DOCK10: variants seen among roughly 807,000 people sequenced by gnomAD.
The protein encoded by DOCK10 is dedicator of cytokinesis 10.
DOCK10 carries 145 observed loss-of-function variants against 280.1 expected under a neutral mutation model. The ratio of observed to expected loss-of-function variants is 0.52; its 90% CI spans 0.45 to 0.59. The LOEUF (loss-of-function observed/expected upper bound fraction) is 0.59, where lower values mean the gene tolerates loss of function less well. Ranked by LOEUF, DOCK10 falls within the 20% of genes least tolerant of loss-of-function variation. The probability of loss-of-function intolerance (pLI) is 0.00; values close to 1 mark genes in which losing one functional copy is unlikely to be tolerated. For synonymous variants in DOCK10, 915 were observed against 942.2 expected, an observed-to-expected ratio of 0.97 and a Z score of 0.53; for missense variants, 2,368 against 2,651.7, an observed-to-expected ratio of 0.89 and a Z score of 2.35.
intron 4 of DOCK10, among the ~76,000 whole-genome samples, chr2:224,888,563 CTGTG>C (rs373161757): frequency 2.0e-4 from 30 of 148,016 alleles, no homozygotes; most frequent in African/African-American, 1.0e-4. Flanking sequence ...GTGTGTTTGT[CTGTG>C]TGTGTATGTA....
At chr2:224,781,904 T>A (rs759350435) in intron 50 of DOCK10, among the ~76,000 whole-genome samples, 4 of 152,156 alleles carry the variant, frequency 2.6e-5, no homozygotes, top group Admixed American at 6.5e-5. Context: ...GGATCATCAC[T>A]GTGTTGTCAA....
At chr2:224,885,203 T>C (rs368222240) in intron 7 of DOCK10, among the ~76,000 whole-genome samples, 1 of 152,334 alleles carries the variant, frequency 6.6e-6, no homozygotes, top group African/African-American at 2.4e-5. Flanking sequence ...TTTCACCATG[T>C]TGGCCTAGCT....
intron 1 of DOCK10, among the ~76,000 whole-genome samples, chr2:224,974,815 A>ATG (rs1705317492): frequency 1.5e-5 from 2 of 130,232 alleles, no homozygotes; most frequent in Non-Finnish European, 3.4e-5. Flanking sequence ...TATATTATAT[A>ATG]TATAATATAT....
chr2:224,785,260 T>G (rs999924974), intron 50 of DOCK10, among the ~76,000 whole-genome samples: 5 of 150,354 alleles, frequency 3.3e-5, no homozygotes, highest in Non-Finnish European at 2.9e-5. Flanking sequence ...GTTCAGATTC[T>G]TTTCCATGGA....
Position 224,849,546 on chromosome 2 carries a change from T to A in DOCK10, c.2196A>T (p.Ala732=). ...CCGGATTCTGAGAGTGGTGCAGAACTGCTGTGTAGGCGGCTGAGGTGAAGA... is the reference window on the plus strand; with the variant it reads ...CCGGATTCTGAGAGTGGTGCAGAACAGCTGTGTAGGCGGCTGAGGTGAAGA... ...GPLFTSAAYT[A]VLHHSQNPDF... Residue 732 remains alanine, a synonymous_variant, in exon 19 of 56, where the codon GCA becomes GCT. Transcript: ENST00000258390. 1 of 1,612,532 alleles carries A rather than the reference T, an allele frequency of 6.2e-7. No homozygotes were observed. The highest frequency in any genetic ancestry group is 8.5e-7 in the Non-Finnish European group (1 of 1,179,380).
At chr2:224,915,708 A>C (rs1292397208) in intron 3 of DOCK10, among the ~76,000 whole-genome samples, 1 of 152,178 alleles carries the variant, frequency 6.6e-6, no homozygotes, top group African/African-American at 2.4e-5. Context: ...TTTCAGTTTG[A>C]CCTGTGCTGG....
chr2:225,039,624 T>G (rs768620026), intron 1 of DOCK10, among the ~76,000 whole-genome samples: 3 of 152,168 alleles, frequency 2.0e-5, no homozygotes, highest in Non-Finnish European at 4.4e-5. Flanking sequence ...GTCATTACCC[T>G]CACTCAGCAT....
At chr2:224,806,263 AATGGGAATC>A in intron 33 of DOCK10, 26 bp from the exon 34 acceptor site, 1 of 1,357,044 alleles carries the variant, frequency 7.4e-7, no homozygotes, top group Non-Finnish European at 1.0e-6. Context: ...AGTAAAGATT[AATGGGAATC>A]ATGGCATTTC....
At position 224,786,010 on chromosome 2, in the gene DOCK10, C is replaced by T. The variant is rs767784613; in HGVS notation, c.5655+1012G>A. ...AGGAGTTCAAGACCAGCCTGGCCAA[C>T]ATAATGAAACCCTGTCTCTACTAAA... On this transcript the variant is annotated intron_variant, in intron 50 of 55. Coordinates refer to ENST00000258390, the MANE Select transcript of DOCK10 (RefSeq NM_014689.3). This position sits in a 1 kb window ranked among gnomAD's most constrained non-coding sequence, Gnocchi z 4.7. Among the ~76,000 whole-genome samples, 1 of 152,076 alleles carries T rather than the reference C, an allele frequency of 6.6e-6. No homozygotes were observed. Among genetic ancestry groups the T allele is most frequent in the Non-Finnish European group, 1.5e-5 (1 of 68,016 alleles).
chr2:224,900,889 A>G (rs1700260584), intron 3 of DOCK10, among the ~76,000 whole-genome samples: 1 of 152,224 alleles, frequency 6.6e-6, no homozygotes, highest in African/African-American at 2.4e-5. Flanking sequence ...TGAGAAATAT[A>G]TTAGGTCTGA....
intron 1 of DOCK10, among the ~76,000 whole-genome samples, chr2:225,011,992 T>G (rs777676268): frequency 2.0e-5 from 3 of 152,166 alleles, no homozygotes; most frequent in Non-Finnish European, 4.4e-5. Flanking sequence ...TCTAAATTCA[T>G]TCAGCAGAGA....
intron 4 of DOCK10, 127 bp from the exon 5 acceptor site, chr2:224,886,658 T>C: frequency 1.4e-6 from 1 of 695,152 alleles, no homozygotes; most frequent in Non-Finnish European, 2.4e-6. Context: ...AATAATGTAA[T>C]CTTTTGAGTG....
chr2:225,017,705 C>CAAAAAAAAAA (rs61170287), intron 1 of DOCK10, among the ~76,000 whole-genome samples: 2 of 126,754 alleles, frequency 1.6e-5, no homozygotes, highest in Non-Finnish European at 1.7e-5. Flanking sequence ...CCTACTGTTC[C>CAAAAAAAAAA]AAAAAAAAAA....
intron 1 of DOCK10, among the ~76,000 whole-genome samples, chr2:224,981,405 C>T (rs1048132193): frequency 3.9e-5 from 6 of 152,092 alleles, no homozygotes; most frequent in Non-Finnish European, 8.8e-5. Flanking sequence ...ACATTGAAAT[C>T]TAAGAGAAAA....
At chr2:225,011,103 T>A (rs777772220) in intron 1 of DOCK10, among the ~76,000 whole-genome samples, 1 of 152,228 alleles carries the variant, frequency 6.6e-6, no homozygotes, top group African/African-American at 2.4e-5. Context: ...ATGATATCTA[T>A]CATAGCATAT....
rs768153758 is a variant in DOCK10, at chr2:224,896,711, C to T, written c.334-334G>A. ...CAGCTTGAGTGACAGAGTGAGACTT[C>T]GTCTCACAAAAAAAAGAAAAAAGAA... On this transcript the variant is annotated intron_variant, in intron 3 of 55. Coordinates refer to ENST00000258390, the MANE Select transcript of DOCK10 (RefSeq NM_014689.3). Among the ~76,000 whole-genome samples the T allele has an allele frequency of 1.5e-3, 230 of 151,832 alleles. 4 individuals are homozygous for T. Among genetic ancestry groups the T allele is most frequent in the Admixed American group, 1.6e-3 (24 of 15,230 alleles).
intron 40 of DOCK10, 91 bp from the exon 41 acceptor site, chr2:224,800,354 T>G: frequency 2.9e-6 from 2 of 698,188 alleles, no homozygotes; most frequent in Non-Finnish European, 4.7e-6. Context: ...ATATTCAAAG[T>G]TTGCTGGCAT....
intron 1 of DOCK10, among the ~76,000 whole-genome samples, chr2:224,987,974 G>A (rs1351868703): frequency 1.3e-5 from 2 of 152,162 alleles, no homozygotes; most frequent in Admixed American, 6.5e-5. Flanking sequence ...AGTATCTGCG[G>A]TAAAATGGAG....
At chr2:225,023,378 T>C (rs1309347034) in intron 1 of DOCK10, among the ~76,000 whole-genome samples, 8 of 152,090 alleles carry the variant, frequency 5.3e-5, no homozygotes, top group Non-Finnish European at 1.2e-4. Context: ...TTTGACACAT[T>C]TGCAATATGA....
Sources: gnomAD v4.1 joint callset for allele counts (sites outside exome capture counted in the v4.1 genomes callset) on GRCh38, gnomAD v4.1.1 for gene constraint, Gnocchi (gnomAD v3.1) non-coding constraint, MANE v1.5 for transcripts, NCBI Gene and HGNC (gene_info 2026-07-23, HGNC 2026-07-21) for gene names.